Variants in ZUP1 observed in about 807,000 individuals in gnomAD.
ZUP1 encodes the protein zinc finger-containing ubiquitin peptidase 1.
Under a neutral mutation model 68.1 loss-of-function variants are expected in ZUP1, and 55 were observed. That is an observed-to-expected ratio of 0.81 (90% CI 0.65 to 1.01). ZUP1 has a LOEUF of 1.01. Ranked by LOEUF, ZUP1 falls within the 50% of genes least tolerant of loss-of-function variation. ZUP1 has a pLI of 0.00. For synonymous variants in ZUP1, 223 were observed against 221.5 expected (o/e 1.01, Z -0.06); for missense variants, 684 against 674.9 (o/e 1.01, Z -0.15).
At chr6:116,663,603 T>C (rs1041474039) in intron 2 of ZUP1, among the ~76,000 whole-genome samples, 1 of 152,128 alleles carries the variant, frequency 6.6e-6, no homozygotes, top group African/African-American at 2.4e-5. Context: ...GATAATAAAA[T>C]GATCTACTTA....
Position 116,667,081 on chromosome 6 carries a change from C to G in ZUP1, c.112G>C (p.Gly38Arg), listed in dbSNP as rs1777036600. The G allele has an allele frequency of 6.2e-7, 1 of 1,613,630 alleles. No individual in the cohort carries two copies. Among genetic ancestry groups the G allele is most frequent in the Non-Finnish European group, 8.5e-7 (1 of 1,179,858 alleles). ...AAACACATTTCATCATAATTCACAC[C>G]TGACAACTTGCAAAATGGACATATA... Reference protein sequence around the residue: ...EIICPFCKLSGVNYDEMCFHI... With the variant: ...EIICPFCKLSRVNYDEMCFHI... The change falls in exon 2 of 10, where the codon GGT becomes CGT. Residue 38 changes from glycine to arginine, a missense_variant. Physicochemically the swap from Gly to Arg is moderately radical, Grantham distance 125. Transcript: ENST00000368576.
chr6:116,668,007 A>G (rs1487742801), intron 1 of ZUP1, among the ~76,000 whole-genome samples: 1 of 135,946 alleles, frequency 7.4e-6, no homozygotes, highest in Non-Finnish European at 1.6e-5. Context: ...TACTGACATA[A>G]AAGTGTTAAA....
intron 9 of ZUP1, among the ~76,000 whole-genome samples, chr6:116,638,812 C>T (rs1775984217): frequency 6.6e-6 from 1 of 152,190 alleles, no homozygotes; most frequent in Non-Finnish European, 1.5e-5. Flanking sequence ...GTTCATCTCA[C>T]TAGGGAGTGC....
chr6:116,651,949 C>G, intron 6 of ZUP1, 55 bp downstream of exon 6: 1 of 1,545,826 alleles, frequency 6.5e-7, no homozygotes, highest in East Asian at 2.2e-5. Context: ...CTATATCATT[C>G]TATATCATAT....
At chr6:116,646,105 G>GT in intron 8 of ZUP1, 171 bp from the exon 9 acceptor site, 1 of 437,470 alleles carries the variant, frequency 2.3e-6, no homozygotes, top group South Asian at 7.6e-5. Flanking sequence ...TTCTACTTCA[G>GT]TTTTTTCATT....
chr6:116,662,558 G>A (rs915476758), intron 2 of ZUP1, among the ~76,000 whole-genome samples: 2 of 152,130 alleles, frequency 1.3e-5, no homozygotes, highest in Non-Finnish European at 2.9e-5. Flanking sequence ...CTGCTAATCT[G>A]ACCCAAGCTA....
At chr6:116,657,771 A>G (rs1021616250) in intron 4 of ZUP1, among the ~76,000 whole-genome samples, 1 of 152,210 alleles carries the variant, frequency 6.6e-6, no homozygotes, top group African/African-American at 2.4e-5. Flanking sequence ...CTATCCTATC[A>G]TCACTAAAAA....
chr6:116,650,659 T>C (rs1224284287), intron 7 of ZUP1, among the ~76,000 whole-genome samples: 1 of 152,108 alleles, frequency 6.6e-6, no homozygotes, highest in Non-Finnish European at 1.5e-5. Context: ...AGCTATTAAG[T>C]AGGAAAGCTA....
chr6:116,644,580 A>G (rs914766856), intron 9 of ZUP1, among the ~76,000 whole-genome samples: 2 of 151,914 alleles, frequency 1.3e-5, no homozygotes, highest in African/African-American at 4.8e-5. Context: ...TCAGTAAACT[A>G]TCGCAAGAAC....
chr6:116,667,121 G>A lies in ZUP1; in HGVS notation c.72C>T (p.His24=), dbSNP rs1189334460. 3 of 1,613,356 alleles carry A rather than the reference G, an allele frequency of 1.9e-6. No individual in the cohort carries two copies. The highest frequency in any genetic ancestry group is 1.7e-6 in the Non-Finnish European group (2 of 1,179,648). ...ATGGACATATAATTTCACTTTCCAT[G>A]TGAACAATTAGGTGAGCTTTCATGT... ...EPDMKAHLIV[H]MESEIICPFC... Residue 24 remains histidine (H), a synonymous_variant, in exon 2 of 10, where the codon CAC becomes CAT. Transcript: ENST00000368576.
Position 116,660,781 on chromosome 6 carries a change from G to T in ZUP1, c.625C>A (p.Gln209Lys). The T allele has an allele frequency of 1.2e-6, 2 of 1,610,138 alleles. No homozygotes were observed. Among genetic ancestry groups the T allele is most frequent in the Non-Finnish European group, 1.7e-6 (2 of 1,177,920 alleles). ...TCCAAATGCAAGTCAACATGTTCCT[G>T]AAGAATATGGTAATTTGTACATATG... ...GLICTNYHIL[Q>K]EHVDLHLEEN... Residue 209 changes from glutamine (Q) to lysine (K), a missense_variant, in exon 3 of 10, where the codon CAG becomes AAG. By Grantham distance (53) the Gln-to-Lys change is moderately conservative. Coordinates refer to ENST00000368576, the MANE Select transcript of ZUP1 (RefSeq NM_145062.3).
At chr6:116,653,518 G>A (rs1292840842) in intron 5 of ZUP1, among the ~76,000 whole-genome samples, 1 of 151,992 alleles carries the variant, frequency 6.6e-6, no homozygotes, top group Non-Finnish European at 1.5e-5. Context: ...ACCAATAGTT[G>A]TAGCTGTGCC....
intron 9 of ZUP1, among the ~76,000 whole-genome samples, chr6:116,641,370 A>G (rs1776091489): frequency 1.3e-5 from 2 of 152,170 alleles, no homozygotes; most frequent in South Asian, 2.1e-4. Flanking sequence ...CTCCACCCCA[A>G]ATCAGCAGAA....
intron 3 of ZUP1, chr6:116,660,164 G>A (rs17078202): frequency 0.1 from 15,171 of 152,164 alleles, 1,164 homozygotes; most frequent in African/African-American, 0.2. Flanking sequence ...CATGAACACC[G>A]ATACTGGTAC....
chr6:116,646,876 T>C (rs902081053), intron 8 of ZUP1, among the ~76,000 whole-genome samples: 3 of 152,132 alleles, frequency 2.0e-5, no homozygotes, highest in African/African-American at 7.2e-5. Context: ...ATGCCTGGCC[T>C]TGAGTTCTAC....
At chr6:116,639,631 T>C (rs374793597) in intron 9 of ZUP1, among the ~76,000 whole-genome samples, 1 of 152,170 alleles carries the variant, frequency 6.6e-6, no homozygotes, top group Non-Finnish European at 1.5e-5. Context: ...GAGGGTCCTG[T>C]CTGTTAGAAG....
chr6:116,650,250 C>T (rs1352923821), intron 7 of ZUP1, among the ~76,000 whole-genome samples: 1 of 151,776 alleles, frequency 6.6e-6, no homozygotes, highest in East Asian at 1.9e-4. Context: ...GGTGAAACCT[C>T]GTCTCCACTA....
At chr6:116,665,333 A>G (rs1885101) in intron 2 of ZUP1, among the ~76,000 whole-genome samples, 107 of 152,304 alleles carry the variant, frequency 7.0e-4, no homozygotes, top group African/African-American at 2.5e-3. Flanking sequence ...TCACAGATCT[A>G]AATGTAAAAT....
At chr6:116,661,327 C>CTG (rs1366650344) in intron 2 of ZUP1, among the ~76,000 whole-genome samples, 1 of 151,126 alleles carries the variant, frequency 6.6e-6, no homozygotes, top group East Asian at 1.9e-4. Context: ...CTGAGCATAG[C>CTG]ACAAACCTCT....
Sources: allele counts gnomAD v4.1 joint callset (sites outside exome capture counted in the v4.1 genomes callset), GRCh38; gene constraint gnomAD v4.1.1; transcripts MANE v1.5; gene names NCBI Gene and HGNC (gene_info 2026-07-23, HGNC 2026-07-21).